Variants in EPHA4 observed in about 807,000 individuals in gnomAD.
The protein encoded by EPHA4 is ephrin type-A receptor 4.
EPHA4 carries 19 observed loss-of-function variants against 108.3 expected under a neutral mutation model. That is an observed-to-expected ratio of 0.18 (90% CI 0.12 to 0.26). The LOEUF is 0.26. EPHA4 is among the 10% of genes least tolerant of loss of function. The pLI is 1.00. For missense variants in EPHA4, 917 were observed against 1,254.0 expected (o/e 0.73, Z 4.06); for synonymous variants, 449 against 455.5 (o/e 0.99, Z 0.18).
At chr2:221,514,096 G>C (rs866244758) in intron 3 of EPHA4, among the ~76,000 whole-genome samples, 4 of 64,440 alleles carry the variant, frequency 6.2e-5, no homozygotes, top group Admixed American at 1.6e-4. Flanking sequence ...GCCGGGGGGA[G>C]GGGGTTTGAA....
intron 4 of EPHA4, among the ~76,000 whole-genome samples, chr2:221,500,325 T>A (rs1346799601): frequency 6.6e-6 from 1 of 152,052 alleles, no homozygotes; most frequent in Non-Finnish European, 1.5e-5. Context: ...GGCCCAGTGC[T>A]CCCCATTCCG....
intron 2 of EPHA4, among the ~76,000 whole-genome samples, chr2:221,566,830 A>AAGG (rs1419454748): frequency 7.7e-6 from 1 of 129,100 alleles, no homozygotes; most frequent in African/African-American, 3.1e-5. Context: ...GAAGAAGGAG[A>AAGG]AGGAGAAGAA....
rs560026348 is a variant in EPHA4 at position 221,571,115 on chromosome 2, C to A, written c.91+1043G>T. Among the ~76,000 whole-genome samples, 1 of 152,180 alleles carries A rather than the reference C, an allele frequency of 6.6e-6. No individual in the cohort carries two copies. The highest frequency in any genetic ancestry group is 2.1e-4 in the South Asian group (1 of 4,826). On this transcript the variant is annotated intron_variant, in intron 1 of 17. Coordinates refer to ENST00000281821, the MANE Select transcript of EPHA4 (RefSeq NM_004438.5). This position sits in a 1 kb window ranked among gnomAD's most constrained non-coding sequence, Gnocchi z 6.3. ...GCGTCCGCTTCCACGCAGGCATTCG[C>A]GCACCTACATACACGCAGTTGCACG...
chr2:221,516,845 T>C (rs893964282), intron 3 of EPHA4, among the ~76,000 whole-genome samples: 2 of 152,036 alleles, frequency 1.3e-5, no homozygotes, highest in African/African-American at 4.8e-5. Flanking sequence ...AGCAAGGTCC[T>C]TTTTTTTCCC....
chr2:221,530,182 TAAAAAAA>T (rs931397405), intron 3 of EPHA4, among the ~76,000 whole-genome samples: 1 of 148,774 alleles, frequency 6.7e-6, no homozygotes, highest in Non-Finnish European at 1.5e-5. Context: ...TTTTTTCTCT[TAAAAAAA>T]AAATTGGGAC....
At chr2:221,464,065 A>G (rs1045940668) in intron 5 of EPHA4, among the ~76,000 whole-genome samples, 1 of 152,164 alleles carries the variant, frequency 6.6e-6, no homozygotes, top group Non-Finnish European at 1.5e-5. Flanking sequence ...CCTTTATGAA[A>G]GTCAAGACAC....
chr2:221,536,426 C>T (rs568038820), intron 3 of EPHA4, among the ~76,000 whole-genome samples: 3 of 152,266 alleles, frequency 2.0e-5, no homozygotes, highest in African/African-American at 4.8e-5. Flanking sequence ...TCCAGATTAC[C>T]GGCCTTACGA....
intron 3 of EPHA4, among the ~76,000 whole-genome samples, chr2:221,529,249 G>C (rs1030081181): frequency 2.0e-5 from 3 of 152,142 alleles, no homozygotes; most frequent in African/African-American, 7.2e-5. Context: ...GTCTCCACAG[G>C]AAGGAAGGAA....
chr2:221,545,228 ACGAGG>A (rs1693956812), intron 3 of EPHA4, among the ~76,000 whole-genome samples: 2 of 22,950 alleles, frequency 8.7e-5, no homozygotes, highest in Non-Finnish European at 1.7e-4. Context: ...TGGGCGGATC[ACGAGG>A]TCGAGGTGGG....
intron 3 of EPHA4, among the ~76,000 whole-genome samples, chr2:221,519,162 A>G (rs1693084043): frequency 6.6e-6 from 1 of 152,190 alleles, no homozygotes; most frequent in African/African-American, 2.4e-5. Context: ...CTAACAAAGC[A>G]GGTGCATGTT....
At position 221,563,902 on chromosome 2, in the gene EPHA4, T is replaced by C; in HGVS notation, c.652A>G (p.Ile218Val). Residue 218 changes from isoleucine (I) to valine (V), a missense_variant, in exon 3 of 18, where the codon ATC becomes GTC. Physicochemically the swap from Ile to Val is conservative, Grantham distance 29. Around this residue, in one of 3 missense-constraint regions of EPHA4, gnomAD observed 758 missense variants for 1,076.7 expected, o/e 0.70. Coordinates refer to ENST00000281821, the MANE Select transcript of EPHA4 (RefSeq NM_004438.5). ...AGGGAAGACGTATCAGCCCCTGTGA[T>C]GGTGTCAGGAAACTGGGCCAGATTG... ...VRNLAQFPDT[I>V]TGADTSSLVE... 6.2e-7 allele frequency: 1 copy of C among 1,614,232 alleles called. No individual in the cohort carries two copies. The highest frequency in any genetic ancestry group is 1.1e-5 in the South Asian group (1 of 91,086).
intron 3 of EPHA4, among the ~76,000 whole-genome samples, chr2:221,545,010 G>A (rs1693947970): frequency 6.6e-6 from 1 of 152,166 alleles, no homozygotes; most frequent in African/African-American, 2.4e-5. Context: ...ATAAATTGCT[G>A]TTGTTTAAGC....
At chr2:221,560,555 T>C (rs1364553344) in intron 3 of EPHA4, among the ~76,000 whole-genome samples, 1 of 152,092 alleles carries the variant, frequency 6.6e-6, no homozygotes, top group Non-Finnish European at 1.5e-5. Context: ...AGGGGATGGA[T>C]TTTCCTTCTA....
At chr2:221,427,777 TATA>T (rs2106090395) in intron 15 of EPHA4, among the ~76,000 whole-genome samples, 1 of 152,342 alleles carries the variant, frequency 6.6e-6, no homozygotes, top group South Asian at 2.1e-4. Context: ...ATTAAGTCGA[TATA>T]ATGCTTTACT....
chr2:221,550,418 G>GAGAGAGAGAGAGAGAGAGA (rs370058097), intron 3 of EPHA4, among the ~76,000 whole-genome samples: 37 of 135,656 alleles, frequency 2.7e-4, no homozygotes, highest in African/African-American at 4.7e-4. Flanking sequence ...TGAGGAAAGG[G>GAGAGAGAGAGAGAGAGAGA]GAGAGAGAGA....
chr2:221,473,705 G>T (rs1691566741), intron 5 of EPHA4, among the ~76,000 whole-genome samples: 1 of 152,014 alleles, frequency 6.6e-6, no homozygotes, highest in Non-Finnish European at 1.5e-5. Flanking sequence ...GTAATTAATT[G>T]AGCCAGTTGG....
At chr2:221,481,469 G>C (rs1691817815) in intron 5 of EPHA4, among the ~76,000 whole-genome samples, 1 of 151,958 alleles carries the variant, frequency 6.6e-6, no homozygotes, top group Non-Finnish European at 1.5e-5. Context: ...GGTCAATATG[G>C]TGAAACCCCA....
rs79534816 is a variant in EPHA4, at chr2:221,552,109, G to T, written c.823+11622C>A. ...CATTGTTAATTATCTACAAGTCCAC[G>T]CTCAAAAACCAGAGGCTGCTTATGT... On this transcript the variant is annotated intron_variant, in intron 3 of 17. Coordinates refer to ENST00000281821, the MANE Select transcript of EPHA4 (RefSeq NM_004438.5). Among the ~76,000 whole-genome samples, 943 of 152,112 alleles carry T rather than the reference G, an allele frequency of 6.2e-3. 15 individuals are homozygous for T. The highest frequency in any genetic ancestry group is 0.021 in the African/African-American group (891 of 41,484).
Position 221,564,887 on chromosome 2 carries a change from C to CAAAAAAAAAA in EPHA4, c.160-503_160-494dup, listed in dbSNP as rs1233305564. 2.7e-5 allele frequency among the ~76,000 whole-genome samples: 2 copies of CAAAAAAAAAA among 73,066 alleles called. 1 individual carries two copies. Among genetic ancestry groups the CAAAAAAAAAA allele is most frequent in the African/African-American group, 9.6e-5 (2 of 20,896 alleles). The allele number at this position is 73,066 out of a possible 152,430, so 47.9% of individuals were successfully genotyped here. On this transcript the variant is annotated intron_variant, in intron 2 of 17. Coordinates refer to ENST00000281821, the MANE Select transcript of EPHA4 (RefSeq NM_004438.5). Reference sequence around the variant, plus strand: ...GTCAGAACTTTGCTCTCTAATACCTCAAAAAAAAAAAAAAAAAAAAAAAAG... The same window carrying CAAAAAAAAAA: ...GTCAGAACTTTGCTCTCTAATACCTCAAAAAAAAAAAAAAAAAAAAAAAAAAAAAAAAAAG...
Sources: gnomAD v4.1 joint callset for allele counts (sites outside exome capture counted in the v4.1 genomes callset) on GRCh38, gnomAD v4.1.1 for gene constraint, gnomAD v4.1.1 regional missense constraint, Gnocchi (gnomAD v3.1) non-coding constraint, MANE v1.5 for transcripts, NCBI Gene and HGNC (gene_info 2026-07-23, HGNC 2026-07-21) for gene names.